The following PRKACA variants were observed in gnomAD, a reference collection of about 807,000 sequenced individuals.
The protein encoded by PRKACA is cAMP-dependent protein kinase catalytic subunit alpha.
Under a neutral mutation model 45.8 loss-of-function variants are expected in PRKACA, and 9 were observed. The ratio of observed to expected loss-of-function variants is 0.20; its 90% confidence interval spans 0.12 to 0.34. PRKACA has a LOEUF of 0.34. Among genes scored for constraint, PRKACA ranks in the 10% least tolerant of loss-of-function variants. The pLI is 1.00. For missense variants in PRKACA, 238 were observed against 458.6 expected, an observed-to-expected ratio of 0.52 and a Z score of 4.39; for synonymous variants, 160 against 178.6, an observed-to-expected ratio of 0.90 and a Z score of 0.83.
rs115817749 is a variant in PRKACA, at chr19:14,096,980, C to G, written c.765+381G>C. ...TAAGTGAGGGCAATCCTGGGTGAGGCTATGGACAGCACCTGGGAACAGGAA... is the reference window on the plus strand; with the variant it reads ...TAAGTGAGGGCAATCCTGGGTGAGGGTATGGACAGCACCTGGGAACAGGAA... On this transcript the variant is annotated intron_variant, in intron 8 of 9. Coordinates refer to ENST00000308677, the MANE Select transcript of PRKACA (RefSeq NM_002730.4). 722 of 345,646 alleles carry G rather than the reference C, an allele frequency of 2.1e-3. 2 individuals carry two copies. Among genetic ancestry groups the G allele is most frequent in the African/African-American group, 0.014 (677 of 46,774 alleles). 21.4% of individuals were successfully genotyped at this position (345,646 alleles called of 1,614,324 possible). A position where few individuals can be genotyped will look rare whatever the true frequency, so the allele number is the denominator to read the frequency against.
intron 8 of PRKACA, chr19:14,096,962 G>C (rs536510054): frequency 7.6e-4 from 247 of 324,400 alleles, no homozygotes; most frequent in Admixed American, 1.2e-3. Flanking sequence ...TGCTAAGTGA[G>C]GGCAATCCTG....
chr19:14,105,401 C>T (rs1460197052), intron 3 of PRKACA, among the ~76,000 whole-genome samples: 1 of 151,768 alleles, frequency 6.6e-6, no homozygotes, highest in African/African-American at 2.4e-5. Context: ...ATCCCAGCTA[C>T]TTGGGAAGCT....
At chr19:14,096,173 G>A (rs1361626111) in intron 8 of PRKACA, among the ~76,000 whole-genome samples, 1 of 150,700 alleles carries the variant, frequency 6.6e-6, no homozygotes, top group Non-Finnish European at 1.5e-5. Context: ...CAAGTAGCTG[G>A]GATTACAGGC....
rs982872856 is a variant in PRKACA, at chr19:14,108,044, T to C, written c.47-635A>G. The C allele has an allele frequency of 1.8e-5, 18 of 985,676 alleles. No individual in the cohort carries two copies. The South Asian group carries it at 2.3e-4, about 13-fold the overall frequency. 61.1% of individuals were successfully genotyped at this position (985,676 alleles called of 1,614,324 possible). On this transcript the variant is annotated intron_variant, in intron 1 of 9. Transcript: ENST00000308677. ...ACCCTGTGCCGGCTGCTGTCTACAC[T>C]GTCTCATCTGACTCACTCGGCAACC...
rs141320866 is a variant in PRKACA, at chr19:14,100,837, G to T, written c.408C>A (p.Ile136=). ...GGTGGCCCGCTTACCTGAACCTTCCGATCCGCCGTAGGTGTGAGAACATCT... is the reference window on the plus strand; with the variant it reads ...GGTGGCCCGCTTACCTGAACCTTCCTATCCGCCGTAGGTGTGAGAACATCT... ...GGEMFSHLRR[I]GRFSEPHARF... Residue 136 remains isoleucine (I), a synonymous_variant, in exon 5 of 10, where the codon ATC becomes ATA. Coordinates refer to ENST00000308677, the MANE Select transcript of PRKACA (RefSeq NM_002730.4). 2 of 1,613,998 alleles carry T rather than the reference G, an allele frequency of 1.2e-6. No homozygotes were observed. Among genetic ancestry groups the T allele is most frequent in the East Asian group, 2.2e-5 (1 of 44,876 alleles).
chr19:14,107,310 G>A, intron 2 of PRKACA, 38 bp downstream of exon 2: 1 of 1,590,442 alleles, frequency 6.3e-7, no homozygotes, highest in Non-Finnish European at 8.6e-7. Flanking sequence ...GGGGTTAGCA[G>A]CTCACCCCTC....
intron 4 of PRKACA, 34 bp from the exon 5 acceptor site, chr19:14,100,942 C>G (rs1464908100): frequency 6.3e-7 from 1 of 1,598,334 alleles, no homozygotes; most frequent in Admixed American, 1.7e-5. Flanking sequence ...AGGGCCCACC[C>G]CTGAGACTTG....
chr19:14,114,837 G>A (rs1024856605), intron 1 of PRKACA, among the ~76,000 whole-genome samples: 3 of 152,166 alleles, frequency 2.0e-5, no homozygotes, highest in Non-Finnish European at 4.4e-5. Context: ...GGAGGAGGCG[G>A]ACTCTGTCCT....
intron 1 of PRKACA, among the ~76,000 whole-genome samples, chr19:14,109,965 A>AAAAAATATAT: frequency 4.2e-5 from 1 of 23,770 alleles, no homozygotes; most frequent in South Asian, 2.6e-3. Context: ...AAAAAAAAAA[A>AAAAAATATAT]ATATATATAT....
At chr19:14,107,637 CAG>C (rs996229195) in intron 1 of PRKACA, 5 of 1,344,228 alleles carry the variant, frequency 3.7e-6, no homozygotes, top group East Asian at 5.7e-5. Flanking sequence ...CAGAGAGTCT[CAG>C]GGGTCACTCG....
intron 4 of PRKACA, among the ~76,000 whole-genome samples, chr19:14,102,172 A>C (rs1273598037): frequency 6.6e-6 from 1 of 152,198 alleles, no homozygotes; most frequent in Admixed American, 6.5e-5. Context: ...TCAACAAAAA[A>C]AAATTATTAC....
intron 5 of PRKACA, among the ~76,000 whole-genome samples, chr19:14,098,742 C>T (rs1568530907): frequency 1.3e-5 from 2 of 150,388 alleles, no homozygotes; most frequent in Non-Finnish European, 3.0e-5. Context: ...GATTCGCCCG[C>T]CTCGGCCTCC....
intron 1 of PRKACA, among the ~76,000 whole-genome samples, chr19:14,116,681 G>C (rs1967113368): frequency 6.6e-6 from 1 of 152,048 alleles, no homozygotes; most frequent in African/African-American, 2.4e-5. Flanking sequence ...TTACCCCAAC[G>C]CAGGAAAGAG....
intron 8 of PRKACA, among the ~76,000 whole-genome samples, chr19:14,095,605 G>C (rs1304572276): frequency 6.6e-6 from 1 of 151,882 alleles, no homozygotes; most frequent in Non-Finnish European, 1.5e-5. Flanking sequence ...TACAACCTCT[G>C]TCTCCCGGGT....
intron 4 of PRKACA, 67 bp from the exon 5 acceptor site, chr19:14,100,975 G>T: frequency 7.2e-7 from 1 of 1,383,878 alleles, no homozygotes; most frequent in South Asian, 1.2e-5. Context: ...AGGCCTTGGG[G>T]GCCTCCCCGG....
At chr19:14,103,714 T>C (rs1977512447) in intron 3 of PRKACA, among the ~76,000 whole-genome samples, 1 of 152,218 alleles carries the variant, frequency 6.6e-6, no homozygotes, top group African/African-American at 2.4e-5. Context: ...CCTTGAAATA[T>C]GGCTGGTCGG....
chr19:14,111,227 G>C (rs1461559472), intron 1 of PRKACA, among the ~76,000 whole-genome samples: 1 of 152,156 alleles, frequency 6.6e-6, no homozygotes, highest in African/African-American at 2.4e-5. Context: ...GAGAAACCCT[G>C]TCTCTACTAA....
chr19:14,115,411 T>A (rs543807943), intron 1 of PRKACA, among the ~76,000 whole-genome samples: 50 of 152,204 alleles, frequency 3.3e-4, no homozygotes, highest in African/African-American at 1.2e-3. Context: ...AATTCTGGGG[T>A]CCAAGAAGTT....
In PRKACA at chr19:14,093,812, G is replaced by A. The variant is rs1294797910; in HGVS notation, c.766-20C>T. 2 of 1,602,364 alleles carry A rather than the reference G, an allele frequency of 1.2e-6. No homozygotes were observed. Among genetic ancestry groups the A allele is most frequent in the Non-Finnish European group, 1.7e-6 (2 of 1,174,648 alleles). ...GCGCACCTGGAGGAAGGGGTACAAG[G>A]ACAGGGTGGGAAGCTGGTCTGGAAC... On this transcript the variant is annotated intron_variant, in intron 8 of 9. Coordinates refer to ENST00000308677, the MANE Select transcript of PRKACA (RefSeq NM_002730.4).
Sources: gnomAD v4.1 joint callset for allele counts (sites outside exome capture counted in the v4.1 genomes callset) on GRCh38, gnomAD v4.1.1 for gene constraint, MANE v1.5 for transcripts, NCBI Gene and HGNC (gene_info 2026-07-23, HGNC 2026-07-21) for gene names.